Variants in TEX9 observed in about 807,000 individuals in gnomAD.
TEX9 encodes the protein testis expressed 9, also known as testis-expressed protein 9.
In TEX9, 74 loss-of-function variants were observed where a neutral mutation model predicts 59.6. That is an observed-to-expected ratio of 1.24 (90% CI 1.03 to 1.51). The LOEUF is 1.51. TEX9 is among the 40% of genes most tolerant of loss of function. TEX9 has a pLI of 0.00. For synonymous variants in TEX9, 186 were observed against 152.2 expected (o/e 1.22, Z -1.64); for missense variants, 522 against 447.8 (o/e 1.17, Z -1.49).
At chr15:56,385,088 C>A (rs1170079723) in intron 4 of TEX9, among the ~76,000 whole-genome samples, 3 of 152,156 alleles carry the variant, frequency 2.0e-5, no homozygotes, top group Non-Finnish European at 4.4e-5. Flanking sequence ...TTTGTCTCAG[C>A]ATTATTTGTT....
chr15:56,314,039 T>G (rs1406939166), intron 1 of TEX9, among the ~76,000 whole-genome samples: 7 of 49,818 alleles, frequency 1.4e-4, no homozygotes, highest in African/African-American at 3.1e-4. Context: ...TTCTTCTCTC[T>G]TTTTTTCTTT....
intron 9 of TEX9, among the ~76,000 whole-genome samples, chr15:56,405,067 A>G (rs1248080106): frequency 1.3e-5 from 2 of 152,164 alleles, no homozygotes; most frequent in East Asian, 3.8e-4. Context: ...TCAACATGAT[A>G]CATGTATACC....
intron 3 of TEX9, among the ~76,000 whole-genome samples, chr15:56,375,671 C>T (rs1171712192): frequency 6.6e-6 from 1 of 152,120 alleles, no homozygotes; most frequent in Non-Finnish European, 1.5e-5. Flanking sequence ...AGTCTTTAAT[C>T]CATCTTGAAT....
intron 10 of TEX9, among the ~76,000 whole-genome samples, chr15:56,416,410 T>G (rs569794929): frequency 6.6e-6 from 1 of 152,054 alleles, no homozygotes; most frequent in South Asian, 2.1e-4. Flanking sequence ...TTATTTAGAG[T>G]TTTTAACATA....
intron 1 of TEX9, among the ~76,000 whole-genome samples, chr15:56,306,100 A>G (rs2045475858): frequency 6.6e-6 from 1 of 152,152 alleles, no homozygotes; most frequent in African/African-American, 2.4e-5. Flanking sequence ...CCAGGCAATA[A>G]CAAATGCTGG....
intron 3 of TEX9, among the ~76,000 whole-genome samples, chr15:56,375,794 C>T (rs1166019941): frequency 6.6e-6 from 1 of 150,626 alleles, no homozygotes; most frequent in African/African-American, 2.5e-5. Flanking sequence ...CGGCACTATT[C>T]ACAATAGCAA....
chr15:56,318,849 G>A (rs2045838115), intron 1 of TEX9, among the ~76,000 whole-genome samples: 1 of 151,960 alleles, frequency 6.6e-6, no homozygotes, highest in Non-Finnish European at 1.5e-5. Context: ...TGTCACACAT[G>A]TCATTATATT....
intron 10 of TEX9, among the ~76,000 whole-genome samples, chr15:56,426,095 A>C (rs1173349128): frequency 1.3e-5 from 2 of 152,160 alleles, no homozygotes; most frequent in African/African-American, 4.8e-5. Context: ...CTGTGGACTC[A>C]CTACACCTCT....
chr15:56,365,793 C>T, intron 2 of TEX9, 123 bp downstream of exon 2: 2 of 1,473,196 alleles, frequency 1.4e-6, no homozygotes, highest in Non-Finnish European at 9.0e-7. Flanking sequence ...ATTCCCTTCT[C>T]GTCATCTCGT....
chr15:56,269,378 T>C (rs1459379875), intron 1 of TEX9, among the ~76,000 whole-genome samples: 2 of 152,170 alleles, frequency 1.3e-5, no homozygotes, highest in Non-Finnish European at 2.9e-5. Flanking sequence ...TGAATGTGTT[T>C]GCTCTTGCTT....
In TEX9 at chr15:56,422,276, A is replaced by T. The variant is rs1008459478; in HGVS notation, c.964-5329A>T. On this transcript the variant is annotated intron_variant, in intron 10 of 12. Transcript: ENST00000352903. ...TAAAAAAATAATAAAATAAAAAAATAAAAAAATCCAATCTGACAGTCTCTT... is the reference window on the plus strand; with the variant it reads ...TAAAAAAATAATAAAATAAAAAAATTAAAAAATCCAATCTGACAGTCTCTT... Among the ~76,000 whole-genome samples, 38 of 151,852 alleles carry T rather than the reference A, an allele frequency of 2.5e-4. No individual in the cohort carries two copies. The East Asian group carries it at 4.1e-3, about 16-fold the overall frequency.
intron 1 of TEX9, among the ~76,000 whole-genome samples, chr15:56,351,907 T>C (rs910709261): frequency 2.0e-5 from 3 of 152,228 alleles, no homozygotes; most frequent in African/African-American, 2.4e-5. Context: ...TGCTTTATTT[T>C]GGTTTCTTTA....
chr15:56,271,829 A>G (rs1463369018), intron 1 of TEX9, among the ~76,000 whole-genome samples: 2 of 152,304 alleles, frequency 1.3e-5, no homozygotes, highest in East Asian at 1.9e-4. Flanking sequence ...AAAAGTCAAC[A>G]TTTAAAACAT....
chr15:56,317,417 T>C (rs1292003439), intron 1 of TEX9, among the ~76,000 whole-genome samples: 2 of 152,224 alleles, frequency 1.3e-5, no homozygotes, highest in African/African-American at 4.8e-5. Context: ...ATTTAAGTTT[T>C]CCCCTCTCTT....
At chr15:56,458,280 G>C in the TEX9 span, among the ~76,000 whole-genome samples, 14 of 151,678 alleles carry the variant, frequency 9.2e-5, no homozygotes, top group Non-Finnish European at 2.1e-4. Context: ...TCTAGTTCCA[G>C]AGCCTTAAAA....
chr15:56,296,789 A>G (rs74882235), intron 1 of TEX9, among the ~76,000 whole-genome samples: 6,696 of 152,336 alleles, frequency 0.044, 224 homozygotes, highest in Admixed American at 0.086. Context: ...ATCTCAAATC[A>G]GTAAACTGGT....
intron 12 of TEX9, among the ~76,000 whole-genome samples, chr15:56,433,723 G>C (rs2050664006): frequency 6.6e-6 from 1 of 152,102 alleles, no homozygotes; most frequent in Non-Finnish European, 1.5e-5. Flanking sequence ...TCAATCTTCA[G>C]TGGCTTCCCT....
At chr15:56,372,571 T>C (rs2142024906) in intron 2 of TEX9, among the ~76,000 whole-genome samples, 1 of 152,290 alleles carries the variant, frequency 6.6e-6, no homozygotes, top group Admixed American at 6.5e-5. Context: ...TTCAGTACAT[T>C]ATCTTAATTG....
chr15:56,403,381 A>G (rs928840228), intron 9 of TEX9, among the ~76,000 whole-genome samples: 7 of 152,256 alleles, frequency 4.6e-5, no homozygotes, highest in Admixed American at 3.9e-4. Flanking sequence ...CCCATTCACA[A>G]TTGCTACAAA....
Sources: gnomAD v4.1 joint callset for allele counts (sites outside exome capture counted in the v4.1 genomes callset) on GRCh38, gnomAD v4.1.1 for gene constraint, MANE v1.5 for transcripts, NCBI Gene and HGNC (gene_info 2026-07-23, HGNC 2026-07-21) for gene names.